OPCML: variants seen among roughly 807,000 people sequenced by gnomAD.
The protein encoded by OPCML is opioid-binding protein/cell adhesion molecule.
Under a neutral mutation model 37.8 loss-of-function variants are expected in OPCML, and 13 were observed. That is an observed-to-expected ratio of 0.34 (90% CI 0.22 to 0.55). The LOEUF is 0.55. Among genes scored for constraint, OPCML ranks in the 20% least tolerant of loss-of-function variants. OPCML has a pLI of 0.91. For synonymous variants in OPCML, 176 were observed against 168.8 expected (o/e 1.04, Z -0.33); for missense variants, 341 against 435.6 (o/e 0.78, Z 1.93).
chr11:133,513,519 C>T (rs928346024), intron 1 of OPCML, among the ~76,000 whole-genome samples: 5 of 151,228 alleles, frequency 3.3e-5, no homozygotes, highest in African/African-American at 1.2e-4. Context: ...ATCTGGGAAG[C>T]CTCCTTCATG....
chr11:132,713,045 TC>T (rs142884978), intron 2 of OPCML, among the ~76,000 whole-genome samples: 2,280 of 152,140 alleles, frequency 0.015, 43 homozygotes, highest in South Asian at 0.039. Context: ...GCCTGCTTTT[TC>T]CCCCTCATAG....
intron 1 of OPCML, among the ~76,000 whole-genome samples, chr11:133,142,439 AT>A (rs1949837304): frequency 6.6e-6 from 1 of 152,206 alleles, no homozygotes. Context: ...TGCTCAAGAC[AT>A]TGCACTGATA....
chr11:133,431,548 C>A (rs1373559599), intron 1 of OPCML, among the ~76,000 whole-genome samples: 1 of 152,042 alleles, frequency 6.6e-6, no homozygotes, highest in African/African-American at 2.4e-5. Context: ...TCACCGCAAC[C>A]TCCGCCTCCT....
intron 4 of OPCML, among the ~76,000 whole-genome samples, chr11:132,505,590 T>G (rs2137147951): frequency 6.6e-6 from 1 of 152,148 alleles, no homozygotes; most frequent in Admixed American, 6.5e-5. Flanking sequence ...AACGTCCAAT[T>G]AGTTAGATAT....
At chr11:133,465,611 A>C (rs775199396) in intron 1 of OPCML, among the ~76,000 whole-genome samples, 1 of 152,158 alleles carries the variant, frequency 6.6e-6, no homozygotes, top group Admixed American at 6.5e-5. Context: ...ATATTTTATA[A>C]TATCATAGGT....
At chr11:133,294,787 C>CTTTTT (rs5795836) in intron 1 of OPCML, among the ~76,000 whole-genome samples, 3 of 109,192 alleles carry the variant, frequency 2.7e-5, no homozygotes, top group African/African-American at 6.7e-5. Context: ...CAGAAACTTT[C>CTTTTT]TTTTTTTTTT....
At chr11:133,147,644 C>A (rs941234449) in intron 1 of OPCML, among the ~76,000 whole-genome samples, 1 of 152,132 alleles carries the variant, frequency 6.6e-6, no homozygotes, top group African/African-American at 2.4e-5. Context: ...TGATACTTCA[C>A]AGGGGCTCAA....
intron 1 of OPCML, among the ~76,000 whole-genome samples, chr11:133,529,770 T>A (rs955288574): frequency 1.3e-5 from 2 of 152,172 alleles, no homozygotes; most frequent in African/African-American, 4.8e-5. Context: ...AGAAAAAGCA[T>A]CATCATTTGA....
intron 1 of OPCML, among the ~76,000 whole-genome samples, chr11:133,117,126 A>G (rs1949349364): frequency 6.6e-6 from 1 of 152,134 alleles, no homozygotes; most frequent in African/African-American, 2.4e-5. Context: ...TTTAATACTC[A>G]AATTATCCCA....
chr11:132,625,232 A>C (rs1043603703), intron 3 of OPCML, among the ~76,000 whole-genome samples: 3 of 152,094 alleles, frequency 2.0e-5, no homozygotes, highest in African/African-American at 7.2e-5. Context: ...TGCACCCTAC[A>C]ACACCATCTT....
chr11:132,560,981 G>A (rs1047670873), intron 3 of OPCML, among the ~76,000 whole-genome samples: 17 of 152,096 alleles, frequency 1.1e-4, no homozygotes, highest in African/African-American at 3.4e-4. Context: ...TGGTCATGAA[G>A]ACTTTGCATA....
intron 2 of OPCML, 57 bp downstream of exon 2, chr11:132,942,869 C>T (rs1039490064): frequency 1.2e-6 from 2 of 1,605,994 alleles, no homozygotes; most frequent in Non-Finnish European, 1.7e-6. Context: ...CTCTTCCCTC[C>T]TCTCCCCAGC....
intron 1 of OPCML, chr11:133,418,582 G>C (rs1169069330): frequency 2.3e-6 from 1 of 442,078 alleles, no homozygotes; most frequent in Non-Finnish European, 3.0e-6. Flanking sequence ...ACTGTCCTTG[G>C]TCATTCCTGG....
At chr11:133,388,843 G>T (rs1182030799) in intron 1 of OPCML, among the ~76,000 whole-genome samples, 1 of 152,144 alleles carries the variant, frequency 6.6e-6, no homozygotes, top group Non-Finnish European at 1.5e-5. Context: ...CTTGAAAAAA[G>T]ATATTACAAA....
chr11:133,033,125 C>T (rs1198969769), intron 1 of OPCML, among the ~76,000 whole-genome samples: 1 of 152,162 alleles, frequency 6.6e-6, no homozygotes, highest in Non-Finnish European at 1.5e-5. Flanking sequence ...AGAAAAGGCT[C>T]TTTCATCTTT....
intron 1 of OPCML, among the ~76,000 whole-genome samples, chr11:133,347,269 C>A (rs973134909): frequency 6.6e-6 from 1 of 152,194 alleles, no homozygotes; most frequent in Non-Finnish European, 1.5e-5. Context: ...CATGATGACT[C>A]TCCCTGGGAG....
chr11:133,038,748 A>G (rs1240195949), intron 1 of OPCML, among the ~76,000 whole-genome samples: 1 of 151,434 alleles, frequency 6.6e-6, no homozygotes, highest in Non-Finnish European at 1.5e-5. Flanking sequence ...TCAGGCCAAG[A>G]TTTTAAAAAA....
intron 1 of OPCML, among the ~76,000 whole-genome samples, chr11:133,499,855 T>TAC (rs1947872113): frequency 1.5e-5 from 2 of 135,190 alleles, no homozygotes; most frequent in African/African-American, 5.8e-5. Context: ...TATATATACA[T>TAC]ACACATATAT....
intron 1 of OPCML, among the ~76,000 whole-genome samples, chr11:133,442,952 A>G (rs984553439): frequency 2.6e-5 from 4 of 152,236 alleles, no homozygotes; most frequent in Non-Finnish European, 5.9e-5. Context: ...GGACTTAAAC[A>G]TGATACTTAA....
Sources: gnomAD v4.1 joint callset for allele counts (sites outside exome capture counted in the v4.1 genomes callset) on GRCh38, gnomAD v4.1.1 for gene constraint, MANE v1.5 for transcripts, NCBI Gene and HGNC (gene_info 2026-07-23, HGNC 2026-07-21) for gene names.